The following VRK1 variants were observed in gnomAD, a reference collection of about 807,000 sequenced individuals.
VRK1 encodes the protein VRK serine/threonine kinase 1, also known as serine/threonine-protein kinase VRK1.
A neutral mutation model predicts 57.1 loss-of-function variants in VRK1; 33 were observed. The ratio of observed to expected loss-of-function variants is 0.58; its 90% CI spans 0.44 to 0.77. The LOEUF (loss-of-function observed/expected upper bound fraction) is 0.77, where lower values mean the gene tolerates loss of function less well. VRK1 is among the 30% of genes least tolerant of loss of function. The pLI is 0.00. For missense variants in VRK1, 413 were observed against 477.3 expected (o/e 0.87, Z 1.25); for synonymous variants, 137 against 147.8 (o/e 0.93, Z 0.53).
chr14:96,862,022 A>T (rs1271356892), intron 11 of VRK1, among the ~76,000 whole-genome samples: 2 of 152,218 alleles, frequency 1.3e-5, no homozygotes, highest in Non-Finnish European at 2.9e-5. Context: ...GGTGATTGAG[A>T]AGTAAAGATC....
intron 9 of VRK1, 49 bp downstream of exon 9, chr14:96,856,299 GT>G (rs755649626): frequency 3.1e-6 from 5 of 1,599,166 alleles, no homozygotes; most frequent in Non-Finnish European, 4.3e-6. Context: ...TAAGCCAAAT[GT>G]TTTTAGTCAC....
intron 11 of VRK1, 148 bp downstream of exon 11, chr14:96,860,883 G>A (rs577592377): frequency 1.5e-5 from 10 of 658,448 alleles, no homozygotes; most frequent in African/African-American, 9.1e-5. Context: ...CAGAAAATGT[G>A]TAGAGGGTTG....
chr14:96,840,765 T>C (rs1003510136), intron 3 of VRK1, among the ~76,000 whole-genome samples: 2 of 152,172 alleles, frequency 1.3e-5, no homozygotes, highest in African/African-American at 4.8e-5. Context: ...TTGGCATAGC[T>C]GTTTCTGTGT....
chr14:96,846,260 T>C, intron 4 of VRK1, 96 bp downstream of exon 4: 3 of 1,214,738 alleles, frequency 2.5e-6, no homozygotes, highest in Non-Finnish European at 3.6e-6. Context: ...TTTATGACTC[T>C]TTGTTATTTT....
At chr14:96,807,110 C>A (rs1194448954) in intron 1 of VRK1, among the ~76,000 whole-genome samples, 1 of 152,202 alleles carries the variant, frequency 6.6e-6, no homozygotes, top group Non-Finnish European at 1.5e-5. Flanking sequence ...TGTTTGTTCT[C>A]TGCACTGTGG....
At chr14:96,808,376 G>A (rs983996641) in intron 1 of VRK1, among the ~76,000 whole-genome samples, 18 of 152,008 alleles carry the variant, frequency 1.2e-4, no homozygotes, top group African/African-American at 3.4e-4. Context: ...TTGCCTCTTT[G>A]GGTTACCAAG....
chr14:96,839,304 C>T lies in VRK1; in HGVS notation c.216+1487C>T, dbSNP rs755017033. Among the ~76,000 whole-genome samples the T allele has an allele frequency of 2.0e-5, 3 of 152,076 alleles. No homozygotes were observed. The East Asian group carries it at 5.8e-4, about 29-fold the overall frequency. On this transcript the variant is annotated intron_variant, in intron 3 of 12. Transcript: ENST00000216639. ...GTTTTTGGTATTATGAATAAAGCGT[C>T]TATAAACATTCTTGTACAAGTGTTT...
At chr14:96,838,349 A>G (rs1041826273) in intron 3 of VRK1, among the ~76,000 whole-genome samples, 3 of 152,306 alleles carry the variant, frequency 2.0e-5, no homozygotes, top group East Asian at 3.9e-4. Context: ...CCTATCTGAC[A>G]TAAGCATACT....
At chr14:96,837,724 A>G in intron 2 of VRK1, 38 bp from the exon 3 acceptor site, 3 of 1,351,272 alleles carry the variant, frequency 2.2e-6, no homozygotes, top group Non-Finnish European at 3.1e-6. Flanking sequence ...TTATAATATT[A>G]CTTGTTCTGA....
Position 96,852,942 on chromosome 14 carries a change from A to G in VRK1, c.483+3A>G. 1.2e-6 allele frequency: 2 copies of G among 1,613,002 alleles called. No homozygotes were observed. The highest frequency in any genetic ancestry group is 2.2e-5 in the South Asian group (2 of 91,054). On this transcript the variant is annotated splice_donor_region_variant and intron_variant, in intron 6 of 12. Coordinates refer to ENST00000216639, the MANE Select transcript of VRK1 (RefSeq NM_003384.3). ...TCTTGCAGCTAAGCTTAAGAATTGT[A>G]TGTGAGCTATGTTCTTCTTGTTTTT...
chr14:96,858,908 TACAC>T (rs1212239732), intron 10 of VRK1: 4 of 152,202 alleles, frequency 2.6e-5, no homozygotes, highest in African/African-American at 4.8e-5. Context: ...CCTTGTCAGT[TACAC>T]ACACACTCAC....
intron 7 of VRK1, among the ~76,000 whole-genome samples, 162 bp from the exon 8 acceptor site, chr14:96,855,062 T>TG (rs1016534971): frequency 3.9e-5 from 6 of 152,312 alleles, no homozygotes; most frequent in Non-Finnish European, 8.8e-5. Context: ...GAATTAAGTA[T>TG]TTGCTGTTGT....
intron 1 of VRK1, among the ~76,000 whole-genome samples, chr14:96,822,533 A>G (rs1462922840): frequency 6.6e-6 from 1 of 152,228 alleles, no homozygotes; most frequent in Admixed American, 6.5e-5. Flanking sequence ...TCCTATCGTG[A>G]GGTGACTTGT....
intron 11 of VRK1, chr14:96,860,978 T>C (rs1397386516): frequency 6.1e-6 from 2 of 328,008 alleles, no homozygotes; most frequent in African/African-American, 2.1e-5. Context: ...AATACTGATA[T>C]CTGACAGGGA....
intron 1 of VRK1, among the ~76,000 whole-genome samples, chr14:96,826,598 A>G (rs111625234): frequency 4.3e-4 from 65 of 152,350 alleles, no homozygotes; most frequent in Non-Finnish European, 4.4e-4. Flanking sequence ...GGCTGAAATT[A>G]TGTGGAAAGA....
intron 5 of VRK1, among the ~76,000 whole-genome samples, chr14:96,847,714 A>G (rs933787565): frequency 1.3e-5 from 2 of 152,216 alleles, no homozygotes; most frequent in African/African-American, 4.8e-5. Context: ...GAACCCCTTC[A>G]GGATTCCATT....
rs756827476 is a variant in VRK1 at position 96,846,184 on chromosome 14, T to C, written c.286+20T>C. The C allele has an allele frequency of 4.8e-5, 78 of 1,611,286 alleles. No individual in the cohort carries two copies. The highest frequency in any genetic ancestry group is 1.7e-4 in the Middle Eastern group (1 of 6,060). ...AGCAAAGTAAGAAATACAGTACACATACGTTTACACTTTTAAAATGACCAG... is the reference window on the plus strand; with the variant it reads ...AGCAAAGTAAGAAATACAGTACACACACGTTTACACTTTTAAAATGACCAG... On this transcript the variant is annotated intron_variant, in intron 4 of 12. Coordinates refer to ENST00000216639, the MANE Select transcript of VRK1 (RefSeq NM_003384.3).
chr14:96,842,931 C>T (rs556196348), intron 3 of VRK1, among the ~76,000 whole-genome samples: 9 of 152,242 alleles, frequency 5.9e-5, no homozygotes, highest in East Asian at 3.9e-4. Flanking sequence ...TTAATGTGGA[C>T]GCTTTGTCAA....
At chr14:96,816,140 C>A (rs1320661860) in intron 1 of VRK1, among the ~76,000 whole-genome samples, 1 of 152,074 alleles carries the variant, frequency 6.6e-6, no homozygotes, top group Non-Finnish European at 1.5e-5. Context: ...AAGGGGCCCC[C>A]GTTGTCCAGT....
Sources: gnomAD v4.1 joint callset for allele counts (sites outside exome capture counted in the v4.1 genomes callset) on GRCh38, gnomAD v4.1.1 for gene constraint, MANE v1.5 for transcripts, NCBI Gene and HGNC (gene_info 2026-07-23, HGNC 2026-07-21) for gene names.